MAP2: variants seen among roughly 807,000 people sequenced by gnomAD.
MAP2 encodes the protein microtubule associated protein 2, also known as microtubule-associated protein 2.
Under a neutral mutation model 137.6 loss-of-function variants are expected in MAP2, and 14 were observed. The ratio of observed to expected loss-of-function variants is 0.10; its 90% CI spans 0.07 to 0.16. MAP2 has a LOEUF of 0.16. Ranked by LOEUF, MAP2 falls within the 10% of genes least tolerant of loss-of-function variation. The pLI is 1.00. For missense variants in MAP2, 2,088 were observed against 2,191.5 expected, an observed-to-expected ratio of 0.95 and a Z score of 0.94; for synonymous variants, 786 against 782.3, an observed-to-expected ratio of 1.00 and a Z score of -0.08.
At chr2:209,641,717 A>T (rs911742411) in intron 4 of MAP2, among the ~76,000 whole-genome samples, 1 of 151,986 alleles carries the variant, frequency 6.6e-6, no homozygotes, top group Non-Finnish European at 1.5e-5. Flanking sequence ...AGAAAAAAAA[A>T]TTACTGGTAG....
chr2:209,511,407 A>T (rs2061701372), intron 2 of MAP2, among the ~76,000 whole-genome samples: 1 of 152,096 alleles, frequency 6.6e-6, no homozygotes, highest in Non-Finnish European at 1.5e-5. Context: ...GTTCTAAGGG[A>T]TACATTGCTT....
At chr2:209,451,167 A>G (rs1308316665) in intron 1 of MAP2, among the ~76,000 whole-genome samples, 1 of 151,750 alleles carries the variant, frequency 6.6e-6, no homozygotes, top group Non-Finnish European at 1.5e-5. Flanking sequence ...AGGTTCTATA[A>G]CATGAAGTTG....
chr2:209,566,842 A>G (rs947292853), intron 2 of MAP2, among the ~76,000 whole-genome samples: 2 of 152,134 alleles, frequency 1.3e-5, no homozygotes, highest in Non-Finnish European at 2.9e-5. Context: ...TTCTTAACAC[A>G]GGCCTCACAT....
chr2:209,705,478 A>T, intron 11 of MAP2, 102 bp from the exon 12 acceptor site: 5 of 932,752 alleles, frequency 5.4e-6, no homozygotes, highest in Non-Finnish European at 7.6e-6. Context: ...TATTAAAAGA[A>T]ATTCATTTAT....
At chr2:209,597,440 T>C (rs1055614385) in intron 3 of MAP2, among the ~76,000 whole-genome samples, 10 of 152,200 alleles carry the variant, frequency 6.6e-5, no homozygotes, top group African/African-American at 2.4e-4. Context: ...ATTCATTTCT[T>C]TATGCTCACG....
chr2:209,466,054 A>G (rs1385734763), intron 1 of MAP2, among the ~76,000 whole-genome samples: 1 of 152,196 alleles, frequency 6.6e-6, no homozygotes, highest in African/African-American at 2.4e-5. Flanking sequence ...GACTTCAAGT[A>G]TGATCAAACA....
At chr2:209,489,212 G>A (rs539274311) in intron 1 of MAP2, among the ~76,000 whole-genome samples, 5 of 152,236 alleles carry the variant, frequency 3.3e-5, no homozygotes, top group African/African-American at 1.2e-4. Context: ...ACTGTCAGAA[G>A]GAAAACTAAC....
chr2:209,531,918 T>C (rs2065168891), intron 2 of MAP2, among the ~76,000 whole-genome samples: 1 of 152,102 alleles, frequency 6.6e-6, no homozygotes, highest in Admixed American at 6.6e-5. Flanking sequence ...TAAATGTTGA[T>C]TTGTTTCCTC....
chr2:209,643,354 T>G (rs2094173521), intron 4 of MAP2, among the ~76,000 whole-genome samples: 1 of 152,208 alleles, frequency 6.6e-6, no homozygotes, highest in Non-Finnish European at 1.5e-5. Context: ...GTGAGGTTTG[T>G]GATTATGTGG....
intron 4 of MAP2, among the ~76,000 whole-genome samples, chr2:209,634,070 G>A (rs748845425): frequency 4.1e-4 from 63 of 152,090 alleles, no homozygotes; most frequent in Admixed American, 8.5e-4. Flanking sequence ...CAGCCACACC[G>A]GAGAAGGGCA....
chr2:209,631,525 G>A (rs545891545), intron 4 of MAP2, among the ~76,000 whole-genome samples: 24 of 151,892 alleles, frequency 1.6e-4, no homozygotes, highest in South Asian at 1.0e-3. Context: ...CCCACAAGTG[G>A]TATGTTTGGC....
chr2:209,729,995 T>TC (rs2075483335), intron 15 of MAP2, 33 bp downstream of exon 15: 3 of 1,462,390 alleles, frequency 2.1e-6, no homozygotes, highest in Admixed American at 1.8e-5. Flanking sequence ...AATCTTGTCT[T>TC]TTTAAAAAAA....
At chr2:209,506,777 G>A (rs2061120812) in intron 1 of MAP2, among the ~76,000 whole-genome samples, 2 of 152,160 alleles carry the variant, frequency 1.3e-5, no homozygotes, top group African/African-American at 4.8e-5. Flanking sequence ...GCTACCTTTA[G>A]CAAAGGTTTG....
chr2:209,498,381 G>C (rs926735498), intron 1 of MAP2, among the ~76,000 whole-genome samples: 2 of 152,200 alleles, frequency 1.3e-5, no homozygotes, highest in African/African-American at 4.8e-5. Context: ...AGGTTGTTGA[G>C]TGCCTGTGGC....
At chr2:209,527,536 C>T (rs551058607) in intron 2 of MAP2, among the ~76,000 whole-genome samples, 1 of 152,254 alleles carries the variant, frequency 6.6e-6, no homozygotes, top group South Asian at 2.1e-4. Flanking sequence ...ATTCCCATCC[C>T]ACTAGCAGCT....
chr2:209,629,073 T>C (rs2092711260), intron 4 of MAP2, among the ~76,000 whole-genome samples: 1 of 152,188 alleles, frequency 6.6e-6, no homozygotes, highest in South Asian at 2.1e-4. Context: ...TGATTTATAA[T>C]TGCAAGCCAT....
chr2:209,548,932 A>G (rs1239924142), intron 2 of MAP2, among the ~76,000 whole-genome samples: 1 of 152,088 alleles, frequency 6.6e-6, no homozygotes, highest in Non-Finnish European at 1.5e-5. Context: ...TTCCTTTCTA[A>G]ATTACCCAGT....
intron 3 of MAP2, among the ~76,000 whole-genome samples, chr2:209,582,153 A>G (rs927179159): frequency 6.6e-6 from 1 of 152,192 alleles, no homozygotes; most frequent in African/African-American, 2.4e-5. Flanking sequence ...TCACAAATAA[A>G]TGAATTTGTC....
At chr2:209,591,025 TG>T (rs1402872621) in intron 3 of MAP2, among the ~76,000 whole-genome samples, 1 of 152,236 alleles carries the variant, frequency 6.6e-6, no homozygotes, top group Non-Finnish European at 1.5e-5. Flanking sequence ...TAAGACCATT[TG>T]GTTTCTTTGT....
Sources: allele counts gnomAD v4.1 joint callset (sites outside exome capture counted in the v4.1 genomes callset), GRCh38; gene constraint gnomAD v4.1.1; transcripts MANE v1.5; gene names NCBI Gene and HGNC (gene_info 2026-07-23, HGNC 2026-07-21).